The following PTPRO variants were observed in gnomAD, a reference collection of about 807,000 sequenced individuals.
The protein encoded by PTPRO is receptor-type tyrosine-protein phosphatase O.
A neutral mutation model predicts 145.2 loss-of-function variants in PTPRO; 62 were observed. The ratio of observed to expected loss-of-function variants is 0.43; its 90% CI spans 0.35 to 0.53. The LOEUF (loss-of-function observed/expected upper bound fraction) is 0.53. PTPRO is among the 20% of genes least tolerant of loss of function. The probability of loss-of-function intolerance (pLI) is 0.01; values close to 1 mark genes in which losing one functional copy is unlikely to be tolerated. For synonymous variants in PTPRO, 565 were observed against 514.7 expected, an observed-to-expected ratio of 1.10 and a Z score of -1.32; for missense variants, 1,345 against 1,482.7, an observed-to-expected ratio of 0.91 and a Z score of 1.53.
intron 1 of PTPRO, among the ~76,000 whole-genome samples, chr12:15,455,873 G>C (rs1274279646): frequency 6.6e-6 from 1 of 152,094 alleles, no homozygotes; most frequent in Non-Finnish European, 1.5e-5. Flanking sequence ...AATTGCTCTG[G>C]CTAGGACTTC....
At chr12:15,455,212 C>T (rs1413142175) in intron 1 of PTPRO, among the ~76,000 whole-genome samples, 2 of 152,062 alleles carry the variant, frequency 1.3e-5, no homozygotes, top group Admixed American at 6.6e-5. Context: ...ACCATTATAC[C>T]ACTTATACCT....
Position 15,345,688 on chromosome 12 carries a change from T to A in PTPRO, c.75+22887T>A, listed in dbSNP as rs149709075. Among the ~76,000 whole-genome samples, 359 of 152,242 alleles carry A rather than the reference T, an allele frequency of 2.4e-3. 2 individuals are homozygous for A. Among genetic ancestry groups the A allele is most frequent in the African/African-American group, 8.1e-3 (338 of 41,534 alleles). On this transcript the variant is annotated intron_variant, in intron 1 of 26. Transcript: ENST00000281171. ...ATGCAGCAAACCACCATGGCACGTT[T>A]ATACCTATGTAACAAACCTGCATGT...
intron 1 of PTPRO, among the ~76,000 whole-genome samples, chr12:15,334,861 TA>T (rs1866710896): frequency 6.6e-6 from 1 of 152,116 alleles, no homozygotes; most frequent in African/African-American, 2.4e-5. Flanking sequence ...TTAAAATTAA[TA>T]ATCTTCTTTA....
intron 1 of PTPRO, among the ~76,000 whole-genome samples, chr12:15,482,673 A>G (rs1409501961): frequency 6.6e-6 from 1 of 152,186 alleles, no homozygotes; most frequent in Non-Finnish European, 1.5e-5. Context: ...ATTAAAAATA[A>G]GAATAATAAA....
intron 1 of PTPRO, among the ~76,000 whole-genome samples, chr12:15,363,544 AG>A (rs1183438597): frequency 2.0e-5 from 3 of 152,156 alleles, no homozygotes; most frequent in Non-Finnish European, 2.9e-5. Flanking sequence ...AAACCAAGTG[AG>A]TAAATACAGG....
At chr12:15,555,061 C>T (rs541064422) in intron 15 of PTPRO, among the ~76,000 whole-genome samples, 1 of 129,240 alleles carries the variant, frequency 7.7e-6, no homozygotes, top group African/African-American at 2.9e-5. Flanking sequence ...CATGGTGAAA[C>T]CCCGTCTCTA....
At chr12:15,413,878 A>G (rs183917372) in intron 1 of PTPRO, among the ~76,000 whole-genome samples, 80 of 152,284 alleles carry the variant, frequency 5.3e-4, no homozygotes, top group African/African-American at 1.9e-3. Flanking sequence ...GGGTGAAAAT[A>G]TTTCATTTGA....
At chr12:15,536,915 C>T (rs554261836) in intron 12 of PTPRO, among the ~76,000 whole-genome samples, 1 of 152,098 alleles carries the variant, frequency 6.6e-6, no homozygotes, top group African/African-American at 2.4e-5. Context: ...TTAGGTCAGA[C>T]TGGGAGCCAC....
intron 1 of PTPRO, among the ~76,000 whole-genome samples, chr12:15,443,069 A>T (rs1051336292): frequency 1.3e-5 from 2 of 152,198 alleles, no homozygotes; most frequent in Non-Finnish European, 2.9e-5. Context: ...CACAACTTCA[A>T]ACTACACTAT....
intron 1 of PTPRO, among the ~76,000 whole-genome samples, chr12:15,368,137 A>G (rs771974614): frequency 1.3e-5 from 2 of 152,254 alleles, no homozygotes; most frequent in South Asian, 2.1e-4. Flanking sequence ...GTGTTCTCCT[A>G]CTTAACACCT....
At chr12:15,565,262 G>A (rs1943868382) in intron 17 of PTPRO, 1 of 190,840 alleles carries the variant, frequency 5.2e-6, no homozygotes, top group Non-Finnish European at 1.1e-5. Context: ...GAGTGTTCAG[G>A]TGGTAGATAG....
intron 1 of PTPRO, among the ~76,000 whole-genome samples, chr12:15,329,601 T>C (rs1037987139): frequency 7.9e-5 from 12 of 152,174 alleles, no homozygotes; most frequent in African/African-American, 2.9e-4. Flanking sequence ...TCTTTTGTAT[T>C]CCAGAATAAA....
intron 1 of PTPRO, among the ~76,000 whole-genome samples, chr12:15,483,199 G>A (rs1941816080): frequency 6.6e-6 from 1 of 152,096 alleles, no homozygotes; most frequent in South Asian, 2.1e-4. Flanking sequence ...TCTTGTTTGA[G>A]ACCAGAAAGA....
chr12:15,504,115 A>G (rs1385835125), intron 6 of PTPRO, 46 bp downstream of exon 6: 3 of 1,549,578 alleles, frequency 1.9e-6, no homozygotes, highest in Non-Finnish European at 2.7e-6. Flanking sequence ...GAGCTAGAAC[A>G]ATGGAACTGG....
chr12:15,591,037 G>T (rs1000966684), intron 25 of PTPRO, among the ~76,000 whole-genome samples: 1 of 152,082 alleles, frequency 6.6e-6, no homozygotes, highest in African/African-American at 2.4e-5. Context: ...TTAATGAATT[G>T]TCTCCTCAAT....
At chr12:15,542,621 C>T (rs1943203112) in intron 12 of PTPRO, among the ~76,000 whole-genome samples, 1 of 152,160 alleles carries the variant, frequency 6.6e-6, no homozygotes, top group South Asian at 2.1e-4. Context: ...ACATGTATAA[C>T]TTTCAATTTT....
chr12:15,553,113 A>G (rs1271057951), intron 15 of PTPRO, among the ~76,000 whole-genome samples: 2 of 151,990 alleles, frequency 1.3e-5, no homozygotes, highest in Non-Finnish European at 2.9e-5. Flanking sequence ...TTGAGATCGA[A>G]TCTTGACTTC....
Position 15,385,890 on chromosome 12 carries a change from A to G in PTPRO, c.75+63089A>G, listed in dbSNP as rs545226352. Among the ~76,000 whole-genome samples the G allele has an allele frequency of 2.6e-5, 4 of 152,160 alleles. No homozygotes were observed. The South Asian group carries it at 8.3e-4, about 32-fold the overall frequency. ...AGATAGATGATAGATAGATTAAAAA[A>G]GAGATATAGAGATAAAGGTATATTT... On this transcript the variant is annotated intron_variant, in intron 1 of 26. Coordinates refer to ENST00000281171, the MANE Select transcript of PTPRO (RefSeq NM_030667.3).
intron 1 of PTPRO, among the ~76,000 whole-genome samples, chr12:15,382,772 T>C (rs1437614110): frequency 6.6e-6 from 1 of 152,228 alleles, no homozygotes; most frequent in East Asian, 1.9e-4. Flanking sequence ...ACCAGATTTT[T>C]TAAGATGTTG....
Sources: allele counts gnomAD v4.1 joint callset (sites outside exome capture counted in the v4.1 genomes callset), GRCh38; gene constraint gnomAD v4.1.1; transcripts MANE v1.5; gene names NCBI Gene and HGNC (gene_info 2026-07-23, HGNC 2026-07-21).